Variants in MAGI2 observed in about 807,000 individuals in gnomAD.
The protein encoded by MAGI2 is membrane associated guanylate kinase, WW and PDZ domain containing 2.
Under a neutral mutation model 133.3 loss-of-function variants are expected in MAGI2, and 35 were observed. That is an observed-to-expected ratio of 0.26 (90% CI 0.20 to 0.35). The LOEUF is 0.35. Among genes scored for constraint, MAGI2 ranks in the 10% least tolerant of loss-of-function variants. The pLI is 1.00. For synonymous variants in MAGI2, 729 were observed against 710.6 expected, an observed-to-expected ratio of 1.03 and a Z score of -0.41; for missense variants, 1,636 against 1,863.4, an observed-to-expected ratio of 0.88 and a Z score of 2.25.
chr7:78,629,365 C>G (rs1808718376), intron 2 of MAGI2, among the ~76,000 whole-genome samples: 1 of 152,140 alleles, frequency 6.6e-6, no homozygotes, highest in Non-Finnish European at 1.5e-5. Flanking sequence ...AATGCTGCAA[C>G]CTCCATCTTT....
At chr7:78,851,361 G>A (rs905415819) in intron 2 of MAGI2, among the ~76,000 whole-genome samples, 1 of 152,082 alleles carries the variant, frequency 6.6e-6, no homozygotes, top group African/African-American at 2.4e-5. Context: ...CTGGAGTGCT[G>A]TGAGGGGCAC....
chr7:79,044,259 T>G (rs1190750332), intron 1 of MAGI2, among the ~76,000 whole-genome samples: 1 of 152,210 alleles, frequency 6.6e-6, no homozygotes, highest in Non-Finnish European at 1.5e-5. Flanking sequence ...ATTCCTGGGA[T>G]GCAAGGTTGG....
chr7:78,834,360 C>T (rs959813527), intron 2 of MAGI2, among the ~76,000 whole-genome samples: 9 of 152,152 alleles, frequency 5.9e-5, no homozygotes, highest in African/African-American at 1.4e-4. Context: ...TCTCCAATCC[C>T]GCATCCTCCT....
chr7:79,375,903 T>A (rs1259087426), intron 1 of MAGI2, among the ~76,000 whole-genome samples: 5 of 151,938 alleles, frequency 3.3e-5, no homozygotes, highest in African/African-American at 1.2e-4. Flanking sequence ...CAATTATTGG[T>A]CTTATCAGAT....
At chr7:78,657,982 T>TA (rs989717827) in intron 2 of MAGI2, among the ~76,000 whole-genome samples, 10 of 152,096 alleles carry the variant, frequency 6.6e-5, no homozygotes, top group African/African-American at 1.9e-4. Context: ...TTAAGTCTAT[T>TA]AAAAAAAAGA....
intron 1 of MAGI2, among the ~76,000 whole-genome samples, chr7:79,438,798 C>A (rs1219975121): frequency 6.6e-6 from 1 of 152,098 alleles, no homozygotes; most frequent in Non-Finnish European, 1.5e-5. Flanking sequence ...TTCTCTCCTC[C>A]ATAAGTGAGT....
chr7:79,243,619 T>C (rs1528273), intron 1 of MAGI2, among the ~76,000 whole-genome samples: 100,583 of 152,054 alleles, frequency 0.66, 33,683 homozygotes, highest in Non-Finnish European at 0.7. Flanking sequence ...ATGGATTTCT[T>C]ACTTTGGGGA....
intron 16 of MAGI2, among the ~76,000 whole-genome samples, chr7:78,140,121 C>G (rs1372185902): frequency 6.6e-6 from 1 of 152,164 alleles, no homozygotes; most frequent in Non-Finnish European, 1.5e-5. Flanking sequence ...CCTTCAGTCA[C>G]TGGTCAAAGT....
At chr7:78,591,494 C>CAG (rs1222268462) in intron 3 of MAGI2, among the ~76,000 whole-genome samples, 2 of 152,216 alleles carry the variant, frequency 1.3e-5, no homozygotes, top group African/African-American at 4.8e-5. Flanking sequence ...GCTTGGGACT[C>CAG]AGAGACACTG....
At chr7:78,292,502 T>A (rs970603185) in intron 9 of MAGI2, among the ~76,000 whole-genome samples, 3 of 152,252 alleles carry the variant, frequency 2.0e-5, no homozygotes, top group Admixed American at 6.5e-5. Flanking sequence ...AAAATGGCCA[T>A]ACTGCCCAAG....
chr7:79,349,895 C>A (rs1841579620), intron 1 of MAGI2, among the ~76,000 whole-genome samples: 1 of 152,018 alleles, frequency 6.6e-6, no homozygotes, highest in African/African-American at 2.4e-5. Context: ...GATTCTCTTT[C>A]CTCATCTGTG....
At chr7:78,701,959 A>T (rs1224308149) in intron 2 of MAGI2, among the ~76,000 whole-genome samples, 1 of 151,978 alleles carries the variant, frequency 6.6e-6, no homozygotes, top group Non-Finnish European at 1.5e-5. Context: ...TCTATTTAGG[A>T]TGTGCCAGGA....
At chr7:78,232,333 A>C (rs765111276) in intron 10 of MAGI2, among the ~76,000 whole-genome samples, 1 of 152,178 alleles carries the variant, frequency 6.6e-6, no homozygotes, top group Non-Finnish European at 1.5e-5. Flanking sequence ...GGTTTATAAC[A>C]ATTTTTAAAG....
At chr7:79,000,433 T>A (rs1806745232) in intron 2 of MAGI2, 1 of 152,310 alleles carries the variant, frequency 6.6e-6, no homozygotes, top group African/African-American at 2.4e-5. Context: ...ATAGTACTAA[T>A]TTTTGCTTGA....
intron 2 of MAGI2, among the ~76,000 whole-genome samples, chr7:78,658,860 A>C (rs971005400): frequency 6.6e-6 from 1 of 152,242 alleles, no homozygotes. Flanking sequence ...CGTGGGATGT[A>C]TAATGGTACA....
Position 78,276,643 on chromosome 7 carries a change from C to CAGTT in MAGI2, c.1409-20063_1409-20062insAACT, listed in dbSNP as rs59529704. On this transcript the variant is annotated intron_variant, in intron 9 of 21. Coordinates refer to ENST00000354212, the MANE Select transcript of MAGI2 (RefSeq NM_012301.4). Reference sequence around the variant, plus strand: ...TTACTGACTATAGTTGATTAACAGTCGAGTGAATATAGGTAAAAGATAATT... The same window carrying CAGTT: ...TTACTGACTATAGTTGATTAACAGTCAGTTGAGTGAATATAGGTAAAAGATAATT... 1.2e-3 allele frequency among the ~76,000 whole-genome samples: 178 copies of CAGTT among 151,824 alleles called. 5 individuals carry two copies. The East Asian group carries it at 0.026, about 22-fold the overall frequency.
chr7:78,714,853 G>C (rs1258232022), intron 2 of MAGI2, among the ~76,000 whole-genome samples: 3 of 152,162 alleles, frequency 2.0e-5, no homozygotes, highest in African/African-American at 7.2e-5. Flanking sequence ...CTCATATTGT[G>C]TCTGAAACCC....
intron 10 of MAGI2, 32 bp from the exon 11 acceptor site, chr7:78,201,225 A>G (rs561078902): frequency 8.2e-7 from 1 of 1,221,136 alleles, no homozygotes; most frequent in East Asian, 2.8e-5. Flanking sequence ...TTGAACTTTG[A>G]AAATATTACC....
intron 2 of MAGI2, among the ~76,000 whole-genome samples, chr7:78,992,491 C>A (rs1470548493): frequency 6.6e-6 from 1 of 151,616 alleles, no homozygotes; most frequent in Non-Finnish European, 1.5e-5. Context: ...GCATTAACAA[C>A]CACATTTTTT....
Sources: gnomAD v4.1 joint callset for allele counts (sites outside exome capture counted in the v4.1 genomes callset) on GRCh38, gnomAD v4.1.1 for gene constraint, MANE v1.5 for transcripts, NCBI Gene and HGNC (gene_info 2026-07-23, HGNC 2026-07-21) for gene names.